The following B4GALT6 variants were observed in gnomAD, a reference collection of about 807,000 sequenced individuals.
B4GALT6 encodes the protein UDP-Gal:beta-GlcNAc beta-1,4-galactosyltransferase 6.
Under a neutral mutation model 46.3 loss-of-function variants are expected in B4GALT6, and 14 were observed. The ratio of observed to expected loss-of-function variants is 0.30; its 90% CI spans 0.20 to 0.47. The LOEUF (loss-of-function observed/expected upper bound fraction) is 0.47. Ranked by LOEUF, B4GALT6 falls within the 20% of genes least tolerant of loss-of-function variation. The pLI, the probability that B4GALT6 is intolerant of heterozygous loss-of-function variation, is 0.99. For missense variants in B4GALT6, 386 were observed against 480.1 expected (o/e 0.80, Z 1.83); for synonymous variants, 168 against 162.0 (o/e 1.04, Z -0.28).
rs541855470 is a variant in B4GALT6, at chr18:31,672,368, C to A, written c.116-5996G>T. Among the ~76,000 whole-genome samples, 3 of 152,260 alleles carry A rather than the reference C, an allele frequency of 2.0e-5. No individual in the cohort carries two copies. The South Asian group carries it at 6.2e-4, about 32-fold the overall frequency. ...GGGCTAGAAATACCATTTGGGGAGACATTCAATAAATGTAAAACCTGGAAC... is the reference window on the plus strand; with the variant it reads ...GGGCTAGAAATACCATTTGGGGAGAAATTCAATAAATGTAAAACCTGGAAC... On this transcript the variant is annotated intron_variant, in intron 1 of 8. Coordinates refer to ENST00000306851, the MANE Select transcript of B4GALT6 (RefSeq NM_004775.5).
At chr18:31,651,661 C>T (rs1462726098) in intron 3 of B4GALT6, among the ~76,000 whole-genome samples, 1 of 152,118 alleles carries the variant, frequency 6.6e-6, no homozygotes. Context: ...ATTCCTGAGG[C>T]TTTCCATGCT....
At chr18:31,689,818 A>T (rs2030050624), upstream of B4GALT6, among the ~76,000 whole-genome samples, 1 of 152,130 alleles carries the variant, frequency 6.6e-6, no homozygotes. Context: ...GTTGAGGGAA[A>T]TCAGTCTTGG....
At chr18:31,658,376 CT>C in intron 2 of B4GALT6, 1 of 250,264 alleles carries the variant, frequency 4.0e-6, no homozygotes, top group Non-Finnish European at 7.8e-6. Flanking sequence ...CGTCCCTCCC[CT>C]GGCTGAGCCC....
At chr18:31,653,220 C>T (rs1417055724) in intron 3 of B4GALT6, among the ~76,000 whole-genome samples, 2 of 151,780 alleles carry the variant, frequency 1.3e-5, no homozygotes, top group African/African-American at 4.8e-5. Context: ...CCCTTCTAGC[C>T]AGCTTCATTT....
upstream of B4GALT6, chr18:31,684,711 G>A (rs976195204): frequency 3.5e-6 from 4 of 1,155,388 alleles, no homozygotes; most frequent in Admixed American, 3.7e-5. Context: ...ACGGCAGGAC[G>A]GAAGAAAGCC....
At chr18:31,704,736 G>A in the B4GALT6 span, among the ~76,000 whole-genome samples, 4 of 152,146 alleles carry the variant, frequency 2.6e-5, no homozygotes, top group Non-Finnish European at 4.4e-5. Flanking sequence ...CAATGGCCAT[G>A]GAAGAGTTTT....
the B4GALT6 span, among the ~76,000 whole-genome samples, chr18:31,694,849 C>T: frequency 6.6e-6 from 1 of 152,190 alleles, no homozygotes; most frequent in Non-Finnish European, 1.5e-5. Flanking sequence ...TATCCATCTA[C>T]ATTTCACATA....
rs1024543510 is a variant in B4GALT6 at position 31,622,251 on chromosome 18, A to G, written c.*3363T>C. The G allele has an allele frequency of 2.6e-5, 4 of 152,114 alleles. No homozygotes were observed. The highest frequency in any genetic ancestry group is 9.6e-5 in the African/African-American group (4 of 41,462). 9.4% of individuals were successfully genotyped at this position (152,114 alleles called of 1,614,324 possible). A position where few individuals can be genotyped will look rare whatever the true frequency, so the allele number is the denominator to read the frequency against. On this transcript the variant is annotated 3_prime_UTR_variant, in exon 9 of 9. Coordinates refer to ENST00000306851, the MANE Select transcript of B4GALT6 (RefSeq NM_004775.5). ...AATTACATCTTCACACAAAGTCTTT[A>G]GAACATTATATTTCATAAAAGACAA... is the stretch of plus-strand genomic sequence containing the variant.
chr18:31,676,115 T>G (rs1020682733), intron 1 of B4GALT6, among the ~76,000 whole-genome samples: 4 of 152,170 alleles, frequency 2.6e-5, no homozygotes, highest in African/African-American at 9.7e-5. Context: ...ATGTCCAATT[T>G]CTCTTCCTAT....
At chr18:31,642,698 T>C (rs1235393150) in intron 4 of B4GALT6, among the ~76,000 whole-genome samples, 2 of 152,246 alleles carry the variant, frequency 1.3e-5, no homozygotes, top group African/African-American at 4.8e-5. Context: ...CTGAAATTAC[T>C]AGTGGTTTTT....
chr18:31,709,434 C>CATATATATATATATATATAT, the B4GALT6 span, among the ~76,000 whole-genome samples: 52 of 130,952 alleles, frequency 4.0e-4, no homozygotes, highest in African/African-American at 1.6e-3. Flanking sequence ...GCAATTCATA[C>CATATATATATATATATATAT]ATATATATAT....
Position 31,627,138 on chromosome 18 carries a change from CAG to C in B4GALT6, c.777-19_777-18del, listed in dbSNP as rs2073710852. 6.3e-7 allele frequency: 1 copy of C among 1,576,004 alleles called. No individual in the cohort carries two copies. Among genetic ancestry groups the C allele is most frequent in the African/African-American group, 1.4e-5 (1 of 72,666 alleles). On this transcript the variant is annotated intron_variant, in intron 6 of 8. Coordinates refer to ENST00000306851, the MANE Select transcript of B4GALT6 (RefSeq NM_004775.5). ...TATGGAAGACTAGAAAAGAAAGACA[CAG>C]TATTCTAAAAATAAAATCATAATAA...
chr18:31,635,547 T>C (rs1469857158), intron 5 of B4GALT6, among the ~76,000 whole-genome samples: 2 of 150,938 alleles, frequency 1.3e-5, no homozygotes, highest in African/African-American at 4.9e-5. Context: ...AAAGCAGAGG[T>C]AAAAAGCTGA....
chr18:31,630,556 A>G (rs746620898), intron 6 of B4GALT6, among the ~76,000 whole-genome samples: 16 of 152,140 alleles, frequency 1.1e-4, no homozygotes, highest in Non-Finnish European at 2.1e-4. Flanking sequence ...TTATGCACCT[A>G]CCACACAGCA....
chr18:31,698,792 G>A, the B4GALT6 span, among the ~76,000 whole-genome samples: 58 of 151,988 alleles, frequency 3.8e-4, no homozygotes, highest in South Asian at 6.0e-3. Flanking sequence ...AAGTAAGGCC[G>A]GGCACAGTGA....
chr18:31,648,654 A>G (rs2074022149), intron 3 of B4GALT6, among the ~76,000 whole-genome samples: 1 of 152,258 alleles, frequency 6.6e-6, no homozygotes, highest in Non-Finnish European at 1.5e-5. Flanking sequence ...GCATGGGCCC[A>G]AACAACAGGC....
the B4GALT6 span, chr18:31,724,623 C>CTGCT: frequency 5.7e-6 from 6 of 1,050,366 alleles, no homozygotes; most frequent in African/African-American, 1.0e-4. Context: ...GAGCAGTTCG[C>CTGCT]TGCTGCACAC....
At chr18:31,669,559 A>G (rs2074325661) in intron 1 of B4GALT6, among the ~76,000 whole-genome samples, 2 of 152,224 alleles carry the variant, frequency 1.3e-5, no homozygotes, top group Non-Finnish European at 2.9e-5. Context: ...TTTCATAATG[A>G]AAGTATCTAC....
chr18:31,705,087 C>T, the B4GALT6 span, among the ~76,000 whole-genome samples: 2 of 152,114 alleles, frequency 1.3e-5, no homozygotes, highest in East Asian at 3.9e-4. Context: ...TACAGTTATT[C>T]TGTTTTTATA....
Sources: allele counts gnomAD v4.1 joint callset (sites outside exome capture counted in the v4.1 genomes callset), GRCh38; gene constraint gnomAD v4.1.1; transcripts MANE v1.5; gene names NCBI Gene and HGNC (gene_info 2026-07-23, HGNC 2026-07-21).